The following MAP3K7CL variants were observed in gnomAD, a reference collection of about 807,000 sequenced individuals.
The protein encoded by MAP3K7CL is MAP3K7 C-terminal-like protein.
In MAP3K7CL, 16 loss-of-function variants were observed where a neutral mutation model predicts 18.6. That is an observed-to-expected ratio of 0.86 (90% CI 0.58 to 1.31). MAP3K7CL has a LOEUF of 1.31. Among genes scored for constraint, MAP3K7CL ranks in the 50% most tolerant of loss-of-function variants. MAP3K7CL has a pLI of 0.00. For synonymous variants in MAP3K7CL, 65 were observed against 66.8 expected, an observed-to-expected ratio of 0.97 and a Z score of 0.13; for missense variants, 163 against 174.4, an observed-to-expected ratio of 0.93 and a Z score of 0.37.
chr21:29,080,760 C>T (rs1163392456), intron 1 of MAP3K7CL: 2 of 152,004 alleles, frequency 1.3e-5, no homozygotes, highest in South Asian at 4.1e-4. Flanking sequence ...CATTTTAGAG[C>T]TTGCTTCTCT....
intron 3 of MAP3K7CL, among the ~76,000 whole-genome samples, chr21:29,155,305 G>A (rs188612742): frequency 4.3e-4 from 66 of 152,322 alleles, no homozygotes; most frequent in Middle Eastern, 3.4e-3. Context: ...TGCTCAGCGA[G>A]TGTAGAATGT....
At position 29,110,423 on chromosome 21, in the gene MAP3K7CL, G is replaced by T. The variant is rs2086399690; in HGVS notation, c.370+17842G>T. 2.0e-5 allele frequency among the ~76,000 whole-genome samples: 3 copies of T among 151,696 alleles called. No individual in the cohort carries two copies. In the South Asian group the frequency reaches 6.3e-4, roughly 32 times the overall value. On this transcript the variant is annotated intron_variant, in intron 4 of 6. Transcript: ENST00000286791. ...TGTATCTTTTTTTTTTTGAGGCAGGGTCTCTATCTGTTGCCCAGGCTGCAG... is the reference window on the plus strand; with the variant it reads ...TGTATCTTTTTTTTTTTGAGGCAGGTTCTCTATCTGTTGCCCAGGCTGCAG...
chr21:29,139,370 G>A (rs66484040), intron 2 of MAP3K7CL: 50,456 of 152,014 alleles, frequency 0.33, 8,467 homozygotes, highest in Non-Finnish European at 0.35. Context: ...AAACACCATT[G>A]TACTCGGACC....
chr21:29,092,530 C>G (rs1272608105), exon 4 of MAP3K7CL: 2 of 1,614,236 alleles, frequency 1.2e-6, no homozygotes, highest in East Asian at 2.2e-5. Flanking sequence ...GATGCTCACT[C>G]TGAAGCCAAA....
At chr21:29,105,752 A>G (rs1213546440) in intron 4 of MAP3K7CL, among the ~76,000 whole-genome samples, 2 of 152,172 alleles carry the variant, frequency 1.3e-5, no homozygotes, top group East Asian at 3.8e-4. Flanking sequence ...AGTGACATTC[A>G]AGAGCGTTTT....
chr21:29,166,955 A>G (rs951596599), intron 4 of MAP3K7CL, among the ~76,000 whole-genome samples: 2 of 152,194 alleles, frequency 1.3e-5, no homozygotes, highest in Admixed American at 1.3e-4. Flanking sequence ...TTATAACTCA[A>G]TGTGTAACCT....
chr21:29,113,822 C>T (rs777163779), intron 4 of MAP3K7CL, among the ~76,000 whole-genome samples: 10 of 152,136 alleles, frequency 6.6e-5, no homozygotes, highest in Non-Finnish European at 1.0e-4. Flanking sequence ...TGAGCCACCA[C>T]GCCCGGCCAT....
intron 2 of MAP3K7CL, among the ~76,000 whole-genome samples, chr21:29,147,911 ATATG>A (rs956868461): frequency 6.6e-6 from 1 of 151,360 alleles, no homozygotes; most frequent in African/African-American, 2.4e-5. Context: ...TCTGTATTGT[ATATG>A]TATGTGTACT....
At chr21:29,122,995 T>C (rs1301100981) in intron 4 of MAP3K7CL, among the ~76,000 whole-genome samples, 1 of 152,122 alleles carries the variant, frequency 6.6e-6, no homozygotes, top group East Asian at 1.9e-4. Context: ...TATATAGTTT[T>C]ATGCTTATAC....
chr21:29,086,947 A>G (rs2146486663), intron 1 of MAP3K7CL, among the ~76,000 whole-genome samples: 1 of 152,282 alleles, frequency 6.6e-6, no homozygotes, highest in African/African-American at 2.4e-5. Context: ...AAAGTCCTCC[A>G]ATGGCTTTGA....
intron 4 of MAP3K7CL, among the ~76,000 whole-genome samples, chr21:29,107,930 T>G (rs965833709): frequency 6.6e-6 from 1 of 152,234 alleles, no homozygotes; most frequent in Non-Finnish European, 1.5e-5. Flanking sequence ...TCTCTCTTTT[T>G]GTATATGAGT....
Position 29,163,330 on chromosome 21 carries a change from G to A in MAP3K7CL, c.248+3274G>A, listed in dbSNP as rs186755844. Among the ~76,000 whole-genome samples the A allele has an allele frequency of 2.7e-4, 41 of 152,152 alleles. No homozygotes were observed. In the East Asian group the frequency reaches 3.7e-3, roughly 14 times the overall value. ...CTCCCTAAATAATTGGCTAGATGTA[G>A]GGCCAAGGCCAAATTCTTTCATTAT... On this transcript the variant is annotated intron_variant, in intron 4 of 4. Coordinates refer to ENST00000399928, the MANE Select transcript of MAP3K7CL (RefSeq NM_001286620.2).
chr21:29,141,103 T>A (rs1174176580), intron 2 of MAP3K7CL, among the ~76,000 whole-genome samples: 1 of 152,186 alleles, frequency 6.6e-6, no homozygotes, highest in African/African-American at 2.4e-5. Flanking sequence ...AGGCAGGTGT[T>A]TTTTGGACAG....
intron 4 of MAP3K7CL, among the ~76,000 whole-genome samples, chr21:29,169,491 A>G (rs796607282): frequency 6.6e-6 from 1 of 152,202 alleles, no homozygotes; most frequent in Non-Finnish European, 1.5e-5. Context: ...CTCAAGATCC[A>G]CCAACAATAC....
intron 2 of MAP3K7CL, among the ~76,000 whole-genome samples, chr21:29,138,951 C>T (rs1445624181): frequency 1.3e-5 from 2 of 152,126 alleles, no homozygotes; most frequent in African/African-American, 4.8e-5. Flanking sequence ...GGTGACAGAG[C>T]AAAACCCTAT....
intron 4 of MAP3K7CL, chr21:29,109,797 C>T (rs907964632): frequency 9.1e-6 from 9 of 985,270 alleles, no homozygotes; most frequent in South Asian, 4.7e-5. Flanking sequence ...TTATATCTTA[C>T]GTTCTGCTGC....
upstream of MAP3K7CL, among the ~76,000 whole-genome samples, chr21:29,082,603 G>A (rs1219522921): frequency 6.6e-6 from 1 of 152,200 alleles, no homozygotes; most frequent in Non-Finnish European, 1.5e-5. Context: ...GGAGCAAGCA[G>A]CAATGTGTAA....
chr21:29,096,724 A>G lies in MAP3K7CL; in HGVS notation c.370+4143A>G, dbSNP rs539110791. 2.8e-4 allele frequency among the ~76,000 whole-genome samples: 42 copies of G among 152,306 alleles called. No individual in the cohort carries two copies. The South Asian group carries it at 8.7e-3, about 32-fold the overall frequency. On this transcript the variant is annotated intron_variant, in intron 4 of 6. Transcript: ENST00000286791. ...ATAGAAGCTTATGTATAAAAGAGAA[A>G]TTGTTGGTTTACTGAACTGGGAAGT...
chr21:29,084,304 A>T (rs1209245755), upstream of MAP3K7CL, among the ~76,000 whole-genome samples: 1 of 152,138 alleles, frequency 6.6e-6, no homozygotes, highest in Non-Finnish European at 1.5e-5. Flanking sequence ...GATTCTATTA[A>T]AAACAATAAT....
Sources: allele counts gnomAD v4.1 joint callset (sites outside exome capture counted in the v4.1 genomes callset), GRCh38; gene constraint gnomAD v4.1.1; transcripts MANE v1.5; gene names NCBI Gene and HGNC (gene_info 2026-07-23, HGNC 2026-07-21).